IRS1: variants seen among roughly 807,000 people sequenced by gnomAD.
IRS1 encodes insulin receptor substrate 1.
Under a neutral mutation model 65.6 loss-of-function variants are expected in IRS1, and 34 were observed. The observed-to-expected ratio is 0.52, with a 90% CI of 0.39 to 0.69. The LOEUF is 0.69. Among genes scored for constraint, IRS1 ranks in the 30% least tolerant of loss-of-function variants. The pLI is 0.00. For synonymous variants in IRS1, 699 were observed against 683.5 expected (o/e 1.02, Z -0.35); for missense variants, 1,641 against 1,720.2 (o/e 0.95, Z 0.81).
chr2:226,796,788 T>G lies in IRS1; in HGVS notation c.1951A>C (p.Arg651=). The change falls in exon 1 of 2, where the codon AGA becomes CGA. Residue 651 remains arginine (R), a synonymous_variant. Coordinates refer to ENST00000305123, the MANE Select transcript of IRS1 (RefSeq NM_005544.3). ...SAPQQIINPI[R]RHPQRVDPNG... is the part of the protein sequence containing the mutation. ...GGGTCCACTCTCTGGGGATGGCGTC[T>G]GATGGGATTGATGATCTGCTGTGGG... 6.3e-7 allele frequency: 1 copy of G among 1,581,838 alleles called. No individual in the cohort carries two copies. The highest frequency in any genetic ancestry group is 1.2e-5 in the South Asian group (1 of 84,710).
chr2:226,764,333 C>T (rs974395671), intron 1 of IRS1, among the ~76,000 whole-genome samples: 6 of 151,682 alleles, frequency 4.0e-5, no homozygotes, highest in East Asian at 3.9e-4. Context: ...TGCTTGAGGT[C>T]GGAAGTTTGA....
At chr2:226,768,915 G>A (rs1381661491) in intron 1 of IRS1, among the ~76,000 whole-genome samples, 2 of 152,134 alleles carry the variant, frequency 1.3e-5, no homozygotes, top group Admixed American at 6.6e-5. Context: ...GATTACAGGC[G>A]TGAGCCACCG....
At chr2:226,785,837 C>T (rs1369188807) in intron 1 of IRS1, among the ~76,000 whole-genome samples, 1 of 149,632 alleles carries the variant, frequency 6.7e-6, no homozygotes, top group Non-Finnish European at 1.5e-5. Context: ...TGGTGCGCTG[C>T]ACCCATTAAC....
chr2:226,755,952 G>C (rs146220458), intron 1 of IRS1, among the ~76,000 whole-genome samples: 114 of 152,332 alleles, frequency 7.5e-4, no homozygotes, highest in Non-Finnish European at 1.4e-3. Context: ...ATTCTAGTTT[G>C]TAACATATTC....
intron 1 of IRS1, among the ~76,000 whole-genome samples, chr2:226,745,047 G>A (rs1481363030): frequency 6.6e-6 from 1 of 152,064 alleles, no homozygotes; most frequent in African/African-American, 2.4e-5. Flanking sequence ...AAATGTATTT[G>A]ACCCACAGTT....
At chr2:226,777,756 C>A (rs2106174987) in intron 1 of IRS1, among the ~76,000 whole-genome samples, 1 of 152,288 alleles carries the variant, frequency 6.6e-6, no homozygotes. Context: ...TAAGATGTGA[C>A]TTGCTCCTCT....
intron 1 of IRS1, among the ~76,000 whole-genome samples, chr2:226,791,677 GCCCCGCGCCCGCC>G (rs1041290123): frequency 4.6e-5 from 7 of 151,862 alleles, no homozygotes; most frequent in Admixed American, 3.9e-4. Flanking sequence ...GGAGAGCCCC[GCCCCGCGCCCGCC>G]GCGGCTCAGC....
intron 1 of IRS1, among the ~76,000 whole-genome samples, chr2:226,754,853 A>C (rs7567312): frequency 0.011 from 1,746 of 152,298 alleles, 27 homozygotes; most frequent in African/African-American, 0.04. Flanking sequence ...AACAGCTTGC[A>C]AAAGAGATTG....
rs5839180 is a variant in IRS1, at chr2:226,766,163, A to ATT, written c.*21+28824_*21+28825dup. ...TATATATATATATATATATATATAT[A>ATT]TTTTTTTTTTTTTTTTTTGAGACAG... On this transcript the variant is annotated intron_variant, in intron 1 of 1. Transcript: ENST00000305123. Among the ~76,000 whole-genome samples the ATT allele has an allele frequency of 1.7e-3, 8 of 4,598 alleles. 3 individuals carry two copies. The highest frequency in any genetic ancestry group is 3.3e-3 in the Non-Finnish European group (7 of 2,098). 3.0% of individuals were successfully genotyped at this position (4,598 alleles called of 152,430 possible).
Position 226,794,407 on chromosome 2 carries a change from T to G in IRS1, c.*21+582A>C, listed in dbSNP as rs1939667085. 6.6e-6 allele frequency among the ~76,000 whole-genome samples: 1 copy of G among 152,242 alleles called. No individual in the cohort carries two copies. Among genetic ancestry groups the G allele is most frequent in the Admixed American group, 6.5e-5 (1 of 15,282 alleles). On this transcript the variant is annotated intron_variant, in intron 1 of 1. Transcript: ENST00000305123. This position sits in a 1 kb window ranked among gnomAD's most constrained non-coding sequence, Gnocchi z 4.1. ...GTACTTCTCTCTAAATACATATTTC[T>G]AAAAAGCTCTTACTCCTGATCTTTT...
At chr2:226,744,322 C>T (rs1284075953) in intron 1 of IRS1, among the ~76,000 whole-genome samples, 1 of 152,110 alleles carries the variant, frequency 6.6e-6, no homozygotes, top group African/African-American at 2.4e-5. Context: ...AAGCATCTTC[C>T]AAAACAACCA....
chr2:226,786,093 A>G (rs1656378910), intron 1 of IRS1, among the ~76,000 whole-genome samples: 1 of 149,058 alleles, frequency 6.7e-6, no homozygotes. Flanking sequence ...TTATGGCTGC[A>G]TCGTATTCCA....
chr2:226,740,145 T>C (rs1938409561), intron 1 of IRS1, among the ~76,000 whole-genome samples: 1 of 152,238 alleles, frequency 6.6e-6, no homozygotes, highest in Non-Finnish European at 1.5e-5. Context: ...GTGATATTCC[T>C]ACAATGCATT....
chr2:226,764,679 T>A (rs552018358), intron 1 of IRS1, among the ~76,000 whole-genome samples: 1 of 152,306 alleles, frequency 6.6e-6, no homozygotes, highest in East Asian at 1.9e-4. Context: ...GACATTAGCA[T>A]TCCTAGAAAA....
chr2:226,795,818 C>A lies in IRS1; in HGVS notation c.2921G>T (p.Ser974Ile), dbSNP rs1479871720. ...RLGPAPPGAA[S>I]ICRPTRAVPS... ...CACTGCCCGGGTAGGCCTGCAAATG[C>A]TAGCAGCCCCGGGAGGTGCAGGGCC... The change falls in exon 1 of 2, where the codon AGC (serine) becomes ATC (isoleucine). Residue 974 changes from serine to isoleucine, a missense_variant. By Grantham distance (142) the Ser-to-Ile change is moderately radical. Around this residue, in one of 3 missense-constraint regions of IRS1, gnomAD observed 1,324 missense variants for 1,361.0 expected, o/e 0.97. Transcript: ENST00000305123. 4 of 1,612,970 alleles carry A rather than the reference C, an allele frequency of 2.5e-6. No individual in the cohort carries two copies. The highest frequency in any genetic ancestry group is 3.4e-6 in the Non-Finnish European group (4 of 1,179,708).
intron 1 of IRS1, among the ~76,000 whole-genome samples, chr2:226,766,896 C>T (rs779043501): frequency 1.3e-4 from 20 of 152,054 alleles, no homozygotes; most frequent in South Asian, 2.1e-4. Flanking sequence ...AGCCAGCTGT[C>T]GAGAGCAGCT....
At chr2:226,780,189 A>G (rs1939355068) in intron 1 of IRS1, among the ~76,000 whole-genome samples, 1 of 152,066 alleles carries the variant, frequency 6.6e-6, no homozygotes, top group Non-Finnish European at 1.5e-5. Flanking sequence ...TCAGGAGTTC[A>G]AGACCAGCCT....
chr2:226,791,764 G>A (rs1007552828), intron 1 of IRS1, among the ~76,000 whole-genome samples: 5 of 151,916 alleles, frequency 3.3e-5, no homozygotes, highest in African/African-American at 1.2e-4. Context: ...GCCCGCCCGG[G>A]ACCCAGAGCC....
At chr2:226,744,081 A>T (rs537406680) in intron 1 of IRS1, among the ~76,000 whole-genome samples, 2 of 152,322 alleles carry the variant, frequency 1.3e-5, no homozygotes, top group South Asian at 4.1e-4. Context: ...ATAATAGCCC[A>T]GGAATCAGGC....
Sources: allele counts gnomAD v4.1 joint callset (sites outside exome capture counted in the v4.1 genomes callset), GRCh38; gene constraint gnomAD v4.1.1; regional missense constraint gnomAD v4.1.1; non-coding constraint Gnocchi (gnomAD v3.1); transcripts MANE v1.5; gene names NCBI Gene and HGNC (gene_info 2026-07-23, HGNC 2026-07-21).